GPHN: variants seen among roughly 807,000 people sequenced by gnomAD.
GPHN encodes the protein gephyrin.
GPHN carries 17 observed loss-of-function variants against 95.5 expected under a neutral mutation model. That is an observed-to-expected ratio of 0.18 (90% CI 0.12 to 0.27). The LOEUF (loss-of-function observed/expected upper bound fraction) is 0.27. Among genes scored for constraint, GPHN ranks in the 10% least tolerant of loss-of-function variants. GPHN has a pLI of 1.00. For missense variants in GPHN, 660 were observed against 978.1 expected (o/e 0.67, Z 4.34); for synonymous variants, 320 against 322.5 (o/e 0.99, Z 0.08).
At chr14:66,513,623 A>T (rs1266423462) in intron 1 of GPHN, among the ~76,000 whole-genome samples, 5 of 151,900 alleles carry the variant, frequency 3.3e-5, no homozygotes, top group Non-Finnish European at 5.9e-5. Flanking sequence ...CTTCCTTCAC[A>T]TCTGGGCAGA....
At chr14:67,046,272 T>C (rs569916289) in intron 10 of GPHN, among the ~76,000 whole-genome samples, 1 of 152,282 alleles carries the variant, frequency 6.6e-6, no homozygotes, top group Non-Finnish European at 1.5e-5. Flanking sequence ...CCTATCATTA[T>C]TTGAGCACTT....
chr14:67,253,843 A>T, the GPHN span, among the ~76,000 whole-genome samples: 1 of 151,760 alleles, frequency 6.6e-6, no homozygotes, highest in African/African-American at 2.4e-5. Context: ...TGTCTCAAAA[A>T]GAAAAAAAAA....
intron 17 of GPHN, among the ~76,000 whole-genome samples, chr14:67,140,938 G>T (rs1423024661): frequency 6.6e-6 from 1 of 151,766 alleles, no homozygotes; most frequent in Non-Finnish European, 1.5e-5. Flanking sequence ...ATAATTCTGA[G>T]ATGTTTGCCC....
chr14:66,992,152 T>TTA (rs2071476196), intron 9 of GPHN, among the ~76,000 whole-genome samples: 1 of 152,168 alleles, frequency 6.6e-6, no homozygotes, highest in African/African-American at 2.4e-5. Flanking sequence ...TATTATGATA[T>TTA]TAAATTTCTA....
chr14:67,464,552 T>C, the GPHN span, among the ~76,000 whole-genome samples: 1 of 152,134 alleles, frequency 6.6e-6, no homozygotes, highest in Non-Finnish European at 1.5e-5. Flanking sequence ...CTTTTATCTG[T>C]ACCTCAAACT....
In GPHN at chr14:67,010,686, A is replaced by G. The variant is rs8014863; in HGVS notation, c.964-12947A>G. Among the ~76,000 whole-genome samples the G allele has an allele frequency of 9.3e-3, 1,420 of 152,206 alleles. 30 individuals carry two copies. The highest frequency in any genetic ancestry group is 0.033 in the African/African-American group (1,381 of 41,518). The stretch of plus-strand genomic sequence containing the variant: ...GTAGGAATTTTTTAAAACATGTGGG[A>G]TGTAAGAGTTGGAAAGCTCTAATGG... On this transcript the variant is annotated intron_variant, in intron 9 of 22. Transcript: ENST00000478722.
chr14:67,110,492 T>C (rs2078304828), intron 14 of GPHN, among the ~76,000 whole-genome samples: 1 of 152,226 alleles, frequency 6.6e-6, no homozygotes, highest in South Asian at 2.1e-4. Context: ...ATTGCTGTTA[T>C]AGCAGAATTT....
At chr14:66,989,268 T>C (rs1594745169) in intron 9 of GPHN, among the ~76,000 whole-genome samples, 1 of 152,054 alleles carries the variant, frequency 6.6e-6, no homozygotes, top group East Asian at 1.9e-4. Context: ...GTATGGATTT[T>C]ATGATTAAAT....
chr14:67,555,654 A>T, the GPHN span, among the ~76,000 whole-genome samples: 1 of 152,120 alleles, frequency 6.6e-6, no homozygotes, highest in African/African-American at 2.4e-5. Flanking sequence ...AGGATTAGGG[A>T]GCTGAGAGTT....
At chr14:66,664,724 G>A (rs1322657676) in intron 1 of GPHN, among the ~76,000 whole-genome samples, 1 of 150,490 alleles carries the variant, frequency 6.6e-6, no homozygotes, top group East Asian at 1.9e-4. Context: ...AATAAAATAG[G>A]CCACTAGATA....
At chr14:67,308,508 GT>G in the GPHN span, among the ~76,000 whole-genome samples, 3 of 147,770 alleles carry the variant, frequency 2.0e-5, no homozygotes, top group African/African-American at 7.5e-5. Context: ...TAGATCCTGA[GT>G]TTTAGATCAG....
chr14:66,965,042 C>T (rs994603133), intron 8 of GPHN, 149 bp from the exon 9 acceptor site: 1 of 714,784 alleles, frequency 1.4e-6, no homozygotes, highest in African/African-American at 1.7e-5. Flanking sequence ...TATTCTATCT[C>T]AAGTTGTTGG....
chr14:67,122,225 A>G, intron 16 of GPHN, 31 bp from the exon 17 acceptor site: 1 of 1,610,296 alleles, frequency 6.2e-7, no homozygotes, highest in Non-Finnish European at 8.5e-7. Flanking sequence ...AACCTAATAG[A>G]ATAATTTGTG....
chr14:67,200,190 T>C, the GPHN span: 1 of 1,148,700 alleles, frequency 8.7e-7, no homozygotes, highest in Admixed American at 2.8e-5. Context: ...GTGGACTTCC[T>C]CCACTGATGC....
intron 1 of GPHN, among the ~76,000 whole-genome samples, chr14:66,619,320 G>T (rs183769908): frequency 2.6e-5 from 4 of 152,240 alleles, no homozygotes; most frequent in Non-Finnish European, 4.4e-5. Flanking sequence ...TCCCAAAGTG[G>T]TTGTTCTCAT....
intron 2 of GPHN, among the ~76,000 whole-genome samples, chr14:66,766,381 A>G (rs576467362): frequency 4.7e-4 from 71 of 152,236 alleles, no homozygotes; most frequent in African/African-American, 1.7e-3. Context: ...GAAGGACTAC[A>G]CTTTAGGAGT....
At chr14:67,573,871 G>T in the GPHN span, 1 of 1,612,976 alleles carries the variant, frequency 6.2e-7, no homozygotes, top group Non-Finnish European at 8.5e-7. The surrounding 1 kb of genome is among the most constrained non-coding windows in gnomAD (Gnocchi z 4.8). Flanking sequence ...CGAGGGGAGG[G>T]TTCACAGACG....
chr14:67,575,376 C>T, the GPHN span: 2 of 1,545,236 alleles, frequency 1.3e-6, no homozygotes, highest in South Asian at 1.2e-5. Context: ...AATGCCAGTT[C>T]ATTTCTGTCT....
At chr14:67,365,468 G>A in the GPHN span, among the ~76,000 whole-genome samples, 2 of 152,194 alleles carry the variant, frequency 1.3e-5, no homozygotes, top group African/African-American at 4.8e-5. Flanking sequence ...TATACTATGC[G>A]TGTATATACA....
Sources: allele counts gnomAD v4.1 joint callset (sites outside exome capture counted in the v4.1 genomes callset), GRCh38; gene constraint gnomAD v4.1.1; non-coding constraint Gnocchi (gnomAD v3.1); transcripts MANE v1.5; gene names NCBI Gene and HGNC (gene_info 2026-07-23, HGNC 2026-07-21).